Variants in KANSL3 observed in about 807,000 individuals in gnomAD.
KANSL3 encodes the protein NSL complex protein NSL3.
In KANSL3, 16 loss-of-function variants were observed where a neutral mutation model predicts 89.2. The ratio of observed to expected loss-of-function variants is 0.18; its 90% CI spans 0.12 to 0.27. The LOEUF (loss-of-function observed/expected upper bound fraction) is 0.27, where lower values mean the gene tolerates loss of function less well. KANSL3 is among the 10% of genes least tolerant of loss of function. The pLI, the probability that KANSL3 is intolerant of heterozygous loss-of-function variation, is 1.00. For synonymous variants in KANSL3, 385 were observed against 419.7 expected, an observed-to-expected ratio of 0.92 and a Z score of 1.01; for missense variants, 879 against 1,110.6, an observed-to-expected ratio of 0.79 and a Z score of 2.96.
intron 17 of KANSL3, 41 bp from the exon 18 acceptor site, chr2:96,602,903 C>T (rs2067389805): frequency 1.3e-6 from 2 of 1,580,310 alleles, no homozygotes; most frequent in African/African-American, 1.3e-5. Context: ...GACTCAATCA[C>T]TTGCACTATC....
chr2:96,585,443 G>C, the KANSL3 span, among the ~76,000 whole-genome samples: 1 of 152,098 alleles, frequency 6.6e-6, no homozygotes, highest in Admixed American at 6.6e-5. Flanking sequence ...ATTCCTGCGA[G>C]AATGGCCATA....
At position 96,602,915 on chromosome 2, in the gene KANSL3, C is replaced by T. The variant is rs147633053; in HGVS notation, c.2150-53G>A. On this transcript the variant is annotated intron_variant, in intron 17 of 20. Transcript: ENST00000431828. ...AGAGACTCAATCACTTGCACTATCC[C>T]GAGAGCAGCCACATCCATCCACCCT... 1,075 of 1,531,720 alleles carry T rather than the reference C, an allele frequency of 7.0e-4. 1 individual carries two copies. The highest frequency in any genetic ancestry group is 9.1e-4 in the Non-Finnish European group (1,006 of 1,109,850). The allele number at this position is 1,531,720 out of a possible 1,614,324, so 94.9% of individuals were successfully genotyped here.
At chr2:96,606,964 A>C in intron 14 of KANSL3, 1 of 1,284,958 alleles carries the variant, frequency 7.8e-7, no homozygotes, top group Non-Finnish European at 1.0e-6. Flanking sequence ...AAAGAGTAAT[A>C]CTCACCAAAG....
Position 96,605,415 on chromosome 2 carries a change from T to G in KANSL3, c.1838A>C (p.Lys613Thr), listed in dbSNP as rs200065186. ...CTTGATCTTCGGTCGTTTGGAGGTC[T>G]TACTGCCAGGAAGGGGACTCGAGGG... ...HHPSSPLPGS[K>T]TSKRPKIKVS... is the part of the protein sequence containing the mutation. The change falls in exon 15 of 21, where the codon AAG becomes ACG. Residue 613 changes from lysine to threonine, a missense_variant. Transcript: ENST00000431828. 1.4e-3 allele frequency: 2,207 copies of G among 1,613,972 alleles called. 4 individuals are homozygous for G. Among genetic ancestry groups the G allele is most frequent in the Non-Finnish European group, 1.8e-3 (2,107 of 1,179,858 alleles).
intron 20 of KANSL3, chr2:96,601,243 G>A: frequency 1.1e-6 from 1 of 879,572 alleles, no homozygotes; most frequent in African/African-American, 1.8e-5. Context: ...ACTCCAGCTT[G>A]GGCGATAGAG....
chr2:96,637,234 T>C, intron 1 of KANSL3, 49 bp from the exon 2 acceptor site: 2 of 690,430 alleles, frequency 2.9e-6, no homozygotes, highest in Admixed American at 2.8e-5. Context: ...CCTAAATTTC[T>C]CCCAATCTAC....
In KANSL3 at chr2:96,612,802, T is replaced by C. The variant is rs961789409; in HGVS notation, c.912+16A>G. ...ATTCCCTGCCAGGAAGGAGTTCCTC[T>C]TGCCCCCACACATACCTTGCCCAAG... On this transcript the variant is annotated intron_variant, in intron 7 of 20. Coordinates refer to ENST00000431828, the MANE Select transcript of KANSL3 (RefSeq NM_001115016.3). The C allele has an allele frequency of 6.5e-7, 1 of 1,534,376 alleles. No individual in the cohort carries two copies. The highest frequency in any genetic ancestry group is 1.4e-5 in the African/African-American group (1 of 72,712).
Position 96,612,451 on chromosome 2 carries a change from G to C in KANSL3, c.1014+11C>G. On this transcript the variant is annotated intron_variant, in intron 8 of 20. Transcript: ENST00000431828. The stretch of plus-strand genomic sequence containing the variant: ...GTATGCCACAATGTACTGAAATACG[G>C]GCATTCTCACCTCCAGCACTTTGCT... 1 of 1,611,238 alleles carries C rather than the reference G, an allele frequency of 6.2e-7. No homozygotes were observed. The highest frequency in any genetic ancestry group is 2.2e-5 in the East Asian group (1 of 44,848).
At chr2:96,623,172 G>A (rs1402274080) in intron 3 of KANSL3, among the ~76,000 whole-genome samples, 2 of 152,182 alleles carry the variant, frequency 1.3e-5, no homozygotes, top group Non-Finnish European at 2.9e-5. Flanking sequence ...ATAAATAAAT[G>A]GATGAATTGT....
At chr2:96,635,973 G>A (rs1285498995) in intron 2 of KANSL3, among the ~76,000 whole-genome samples, 8 of 148,814 alleles carry the variant, frequency 5.4e-5, no homozygotes, top group African/African-American at 1.5e-4. Context: ...CAGCCTGGGC[G>A]ACAGAGCAAG....
chr2:96,615,391 C>G, intron 5 of KANSL3: 1 of 503,054 alleles, frequency 2.0e-6, no homozygotes, highest in Non-Finnish European at 3.3e-6. Flanking sequence ...TCCTGCTATA[C>G]TATATACAGT....
At chr2:96,581,978 CTT>C in the KANSL3 span, among the ~76,000 whole-genome samples, 2 of 152,204 alleles carry the variant, frequency 1.3e-5, no homozygotes, top group South Asian at 2.1e-4. Context: ...CCTCTTTCCT[CTT>C]GTCCTTGGAC....
At chr2:96,629,113 G>T (rs1477999279) in intron 3 of KANSL3, among the ~76,000 whole-genome samples, 1 of 152,192 alleles carries the variant, frequency 6.6e-6, no homozygotes, top group African/African-American at 2.4e-5. Flanking sequence ...AAGAGACAAT[G>T]CATTTGAAGA....
intron 9 of KANSL3, 186 bp downstream of exon 9, chr2:96,612,095 CT>C: frequency 1.7e-6 from 1 of 578,490 alleles, no homozygotes; most frequent in Non-Finnish European, 3.1e-6. Context: ...GCTTTTGTTT[CT>C]GCTTAAAGTT....
At chr2:96,628,203 T>A (rs911717296) in intron 3 of KANSL3, 1 of 1,262,064 alleles carries the variant, frequency 7.9e-7, no homozygotes, top group African/African-American at 1.5e-5. Flanking sequence ...GATGTGTACA[T>A]CCAGCTATTC....
chr2:96,597,903 C>T (rs916781693), intron 20 of KANSL3, among the ~76,000 whole-genome samples: 11 of 152,118 alleles, frequency 7.2e-5, no homozygotes, highest in African/African-American at 2.7e-4. Context: ...GCCCAGCCTA[C>T]GTCCATTCTA....
At chr2:96,584,368 T>C in the KANSL3 span, among the ~76,000 whole-genome samples, 7 of 152,174 alleles carry the variant, frequency 4.6e-5, no homozygotes, top group Non-Finnish European at 8.8e-5. Flanking sequence ...TGGGGCAGAG[T>C]ACAATATTTC....
intron 11 of KANSL3, chr2:96,610,516 C>T: frequency 2.4e-6 from 1 of 412,432 alleles, no homozygotes; most frequent in South Asian, 3.6e-5. Flanking sequence ...GGGGTTTCAC[C>T]GTGTTAGCCA....
intron 2 of KANSL3, among the ~76,000 whole-genome samples, chr2:96,632,770 T>C (rs1444129004): frequency 1.3e-5 from 2 of 151,830 alleles, no homozygotes. Flanking sequence ...ATCGAGACTA[T>C]CCTGGCTAAC....
Sources: gnomAD v4.1 joint callset for allele counts (sites outside exome capture counted in the v4.1 genomes callset) on GRCh38, gnomAD v4.1.1 for gene constraint, MANE v1.5 for transcripts, NCBI Gene and HGNC (gene_info 2026-07-23, HGNC 2026-07-21) for gene names.